Variants in ZFHX3 observed in about 807,000 individuals in gnomAD.
The protein encoded by ZFHX3 is zinc finger homeobox 3.
Under a neutral mutation model 279.1 loss-of-function variants are expected in ZFHX3, and 42 were observed. The observed-to-expected ratio is 0.15, with a 90% CI of 0.12 to 0.19. The LOEUF is 0.19. Ranked by LOEUF, ZFHX3 falls within the 10% of genes least tolerant of loss-of-function variation. ZFHX3 has a pLI of 1.00. For missense variants in ZFHX3, 4,981 were observed against 4,754.0 expected (o/e 1.05, Z -1.40); for synonymous variants, 2,293 against 1,957.8 (o/e 1.17, Z -4.52).
chr16:73,539,034 A>T (rs2019961931), intron 2 of ZFHX3, among the ~76,000 whole-genome samples: 1 of 152,206 alleles, frequency 6.6e-6, no homozygotes, highest in South Asian at 2.1e-4. Flanking sequence ...CAGAGAGGGA[A>T]GATTGTATGT....
chr16:73,185,298 C>T (rs1967886601), intron 5 of ZFHX3, among the ~76,000 whole-genome samples: 1 of 152,108 alleles, frequency 6.6e-6, no homozygotes, highest in Non-Finnish European at 1.5e-5. Flanking sequence ...TTTTAAAATC[C>T]CCATGTAACC....
At chr16:73,432,706 T>C (rs772128692) in intron 3 of ZFHX3, among the ~76,000 whole-genome samples, 16 of 152,308 alleles carry the variant, frequency 1.1e-4, no homozygotes, top group Non-Finnish European at 1.9e-4. Flanking sequence ...CCCACAGCAA[T>C]GTCAGCATCA....
chr16:73,012,977 T>C (rs111660056), intron 1 of ZFHX3, among the ~76,000 whole-genome samples: 6 of 152,336 alleles, frequency 3.9e-5, no homozygotes, highest in African/African-American at 1.2e-4. Flanking sequence ...CTCCATCCTA[T>C]GCACACACTT....
chr16:73,681,075 G>T (rs945418497), intron 1 of ZFHX3, among the ~76,000 whole-genome samples: 2 of 152,200 alleles, frequency 1.3e-5, no homozygotes, highest in Non-Finnish European at 2.9e-5. Flanking sequence ...TGGATGTCTG[G>T]TCTTGTGGGA....
chr16:73,636,023 C>A (rs117563060), intron 2 of ZFHX3, among the ~76,000 whole-genome samples: 1,731 of 152,200 alleles, frequency 0.011, 15 homozygotes, highest in Non-Finnish European at 0.02. Flanking sequence ...TGAAACAGGG[C>A]AGCTTATTTT....
intron 1 of ZFHX3, among the ~76,000 whole-genome samples, chr16:72,964,799 A>G (rs1033864284): frequency 1.3e-5 from 2 of 152,180 alleles, no homozygotes; most frequent in Non-Finnish European, 2.9e-5. Context: ...GGAGATAGAT[A>G]CTATTTTTAT....
At chr16:72,900,663 G>A (rs2039011798) in intron 3 of ZFHX3, among the ~76,000 whole-genome samples, 1 of 152,146 alleles carries the variant, frequency 6.6e-6, no homozygotes, top group African/African-American at 2.4e-5. Context: ...TCTCTAACTT[G>A]AGCGTGCATC....
chr16:73,176,046 C>T (rs909107675), intron 5 of ZFHX3, among the ~76,000 whole-genome samples: 3 of 152,206 alleles, frequency 2.0e-5, no homozygotes, highest in African/African-American at 7.2e-5. Context: ...TGCCAATTCT[C>T]CTCTCCAAAT....
intron 1 of ZFHX3, among the ~76,000 whole-genome samples, chr16:73,783,096 G>A (rs960313942): frequency 6.6e-6 from 1 of 152,176 alleles, no homozygotes; most frequent in African/African-American, 2.4e-5. Context: ...CCAGCTTCAT[G>A]TCTAAGGCAC....
intron 4 of ZFHX3, among the ~76,000 whole-genome samples, chr16:73,311,519 G>C (rs2015324884): frequency 1.4e-5 from 2 of 145,604 alleles, no homozygotes; most frequent in Admixed American, 7.2e-5. Context: ...AAACCTGTGA[G>C]ACAGAGGTTG....
upstream of ZFHX3, among the ~76,000 whole-genome samples, chr16:73,049,466 C>T (rs1965409653): frequency 6.6e-6 from 1 of 152,248 alleles, no homozygotes; most frequent in Non-Finnish European, 1.5e-5. Context: ...AAAACCATCA[C>T]ATCCCCGTAT....
At chr16:73,483,780 A>T (rs1180582288) in intron 2 of ZFHX3, among the ~76,000 whole-genome samples, 1 of 152,120 alleles carries the variant, frequency 6.6e-6, no homozygotes, top group South Asian at 2.1e-4. Context: ...TTTGGCAGCC[A>T]TGGTAATTGG....
chr16:73,655,540 T>C (rs1302612538), intron 2 of ZFHX3, among the ~76,000 whole-genome samples: 1 of 152,092 alleles, frequency 6.6e-6, no homozygotes, highest in African/African-American at 2.4e-5. Flanking sequence ...GTCAAAAGGG[T>C]TGAGTAAAAA....
chr16:73,038,191 C>T (rs962547684), intron 1 of ZFHX3, among the ~76,000 whole-genome samples: 5 of 152,008 alleles, frequency 3.3e-5, no homozygotes, highest in African/African-American at 1.2e-4. Context: ...CTGTGTGGTG[C>T]GAGAGTCCAC....
At chr16:72,898,742 G>A (rs1436281163) in intron 3 of ZFHX3, among the ~76,000 whole-genome samples, 2 of 107,144 alleles carry the variant, frequency 1.9e-5, no homozygotes, top group African/African-American at 4.6e-5. Flanking sequence ...TATTAACCCT[G>A]TCTCAAAAAA....
chr16:72,823,944 TG>T (rs1229167435), intron 5 of ZFHX3, among the ~76,000 whole-genome samples: 6 of 152,106 alleles, frequency 3.9e-5, no homozygotes, highest in Non-Finnish European at 8.8e-5. Flanking sequence ...AGACTCAATT[TG>T]GAAAAACGAA....
intron 2 of ZFHX3, among the ~76,000 whole-genome samples, chr16:73,650,797 A>G (rs1345958493): frequency 2.0e-5 from 3 of 152,186 alleles, no homozygotes; most frequent in African/African-American, 4.8e-5. Flanking sequence ...GTATGGAGGG[A>G]GTACCTTTAT....
intron 1 of ZFHX3, among the ~76,000 whole-genome samples, chr16:73,831,901 C>T (rs1961006343): frequency 6.6e-6 from 1 of 151,068 alleles, no homozygotes; most frequent in South Asian, 2.1e-4. Flanking sequence ...CATCTGGCTT[C>T]TTTGTTTTTT....
rs148500899 is a variant in ZFHX3 at position 72,849,676 on chromosome 16, C to T, written c.3449-19817G>A. 1.4e-3 allele frequency among the ~76,000 whole-genome samples: 218 copies of T among 152,068 alleles called. 2 individuals carry two copies. The highest frequency in any genetic ancestry group is 5.0e-3 in the African/African-American group (209 of 41,470). ...TGTTAGCTGGCCTCCTAACCAATGG[C>T]GGATGTAACAAGCGTTCTTATTGGC... is the stretch of plus-strand genomic sequence containing the variant. On this transcript the variant is annotated intron_variant, in intron 4 of 9. Transcript: ENST00000268489.
Sources: allele counts gnomAD v4.1 joint callset (sites outside exome capture counted in the v4.1 genomes callset), GRCh38; gene constraint gnomAD v4.1.1; transcripts MANE v1.5; gene names NCBI Gene and HGNC (gene_info 2026-07-23, HGNC 2026-07-21).